The following LRFN5 variants were observed in gnomAD, a reference collection of about 807,000 sequenced individuals.
LRFN5 encodes leucine rich repeat and fibronectin type III domain containing 5.
A neutral mutation model predicts 45.6 loss-of-function variants in LRFN5; 24 were observed. The observed-to-expected ratio is 0.53, with a 90% CI of 0.38 to 0.74. The LOEUF (loss-of-function observed/expected upper bound fraction) is 0.74, where lower values mean the gene tolerates loss of function less well. LRFN5 is among the 30% of genes least tolerant of loss of function. The probability of loss-of-function intolerance (pLI) is 0.00; values close to 1 mark genes in which losing one functional copy is unlikely to be tolerated. For missense variants in LRFN5, 776 were observed against 861.5 expected (o/e 0.90, Z 1.24); for synonymous variants, 340 against 313.8 (o/e 1.08, Z -0.88).
At position 41,610,661 on chromosome 14, in the gene LRFN5, T is replaced by TAAAAAAAAAAAAAAAAAAAAAAAAAAAA. The variant is rs199770856; in HGVS notation, c.-197+2121_-197+2122insAAAAAAAAAAAAAAAAAAAAAAAAAAAA. Among the ~76,000 whole-genome samples the TAAAAAAAAAAAAAAAAAAAAAAAAAAAA allele has an allele frequency of 1.4e-3, 53 of 37,334 alleles. 10 individuals are homozygous for TAAAAAAAAAAAAAAAAAAAAAAAAAAAA. The highest frequency in any genetic ancestry group is 2.2e-3 in the Non-Finnish European group (33 of 14,730). The allele number at this position is 37,334 out of a possible 152,430, so 24.5% of individuals were successfully genotyped here. On this transcript the variant is annotated intron_variant, in intron 1 of 5. Transcript: ENST00000298119. Reference sequence around the variant, plus strand: ...TACCCCTCTGAGGTCCCAGGGAAGGTAAAAAAAAAAAAAAAAAAAAAAGTG... The same window carrying TAAAAAAAAAAAAAAAAAAAAAAAAAAAA: ...TACCCCTCTGAGGTCCCAGGGAAGGTAAAAAAAAAAAAAAAAAAAAAAAAAAAAAAAAAAAAAAAAAAAAAAAAAAGTG...
intron 1 of LRFN5, among the ~76,000 whole-genome samples, chr14:41,669,082 A>G (rs751609702): frequency 6.6e-6 from 1 of 152,128 alleles, no homozygotes; most frequent in Non-Finnish European, 1.5e-5. Flanking sequence ...ACTAATTTGT[A>G]TATGGTGTTG....
At chr14:41,867,462 C>T (rs1196355278) in intron 2 of LRFN5, among the ~76,000 whole-genome samples, 1 of 152,038 alleles carries the variant, frequency 6.6e-6, no homozygotes, top group Non-Finnish European at 1.5e-5. Context: ...TTATGTTTTA[C>T]ATAAAGCAAA....
chr14:41,715,435 C>T (rs1883453304), intron 1 of LRFN5, among the ~76,000 whole-genome samples: 2 of 152,138 alleles, frequency 1.3e-5, no homozygotes. Context: ...CCAACTCTGC[C>T]TCTCTGTTCT....
At chr14:41,675,148 G>T (rs371804919) in intron 1 of LRFN5, among the ~76,000 whole-genome samples, 9 of 150,882 alleles carry the variant, frequency 6.0e-5, no homozygotes, top group Non-Finnish European at 1.0e-4. Context: ...GGCTCCTCAC[G>T]TCCCAGACGA....
Position 41,610,661 on chromosome 14 carries a change from T to TAAAAAA in LRFN5, c.-197+2116_-197+2121dup, listed in dbSNP as rs199770856. Among the ~76,000 whole-genome samples the TAAAAAA allele has an allele frequency of 8.0e-3, 300 of 37,296 alleles. 31 individuals are homozygous for TAAAAAA. Among genetic ancestry groups the TAAAAAA allele is most frequent in the Admixed American group, 0.038 (137 of 3,598 alleles). The allele number at this position is 37,296 out of a possible 152,430, so 24.5% of individuals were successfully genotyped here. On this transcript the variant is annotated intron_variant, in intron 1 of 5. Transcript: ENST00000298119. ...TACCCCTCTGAGGTCCCAGGGAAGG[T>TAAAAAA]AAAAAAAAAAAAAAAAAAAAAAGTG... is the stretch of plus-strand genomic sequence containing the variant.
At chr14:41,754,966 C>A in intron 1 of LRFN5, among the ~76,000 whole-genome samples, 1 of 151,990 alleles carries the variant, frequency 6.6e-6, no homozygotes, top group Non-Finnish European at 1.5e-5. Context: ...TATGTTGTGT[C>A]TTTGTTCTCG....
Position 41,646,103 on chromosome 14 carries a change from A to G in LRFN5, c.-197+37541A>G, listed in dbSNP as rs187665947. Among the ~76,000 whole-genome samples, 221 of 152,142 alleles carry G rather than the reference A, an allele frequency of 1.5e-3. 2 individuals carry two copies. The highest frequency in any genetic ancestry group is 3.2e-4 in the Non-Finnish European group (22 of 67,990). On this transcript the variant is annotated intron_variant, in intron 1 of 5. Coordinates refer to ENST00000298119, the MANE Select transcript of LRFN5 (RefSeq NM_152447.5). ...TAGCATATCCGTCATCTCAAATATC[A>G]TTTCTTTGTGTTGGGGACATTCAAC...
intron 2 of LRFN5, among the ~76,000 whole-genome samples, chr14:41,783,135 C>T (rs61988379): frequency 6.6e-6 from 1 of 151,778 alleles, no homozygotes; most frequent in Non-Finnish European, 1.5e-5. Context: ...AGAATGGTTA[C>T]TTTTCCCCTT....
At chr14:41,696,976 A>G (rs2138717020) in intron 1 of LRFN5, among the ~76,000 whole-genome samples, 1 of 152,096 alleles carries the variant, frequency 6.6e-6, no homozygotes, top group South Asian at 2.1e-4. Context: ...ATATTATTGG[A>G]TTCAACATAT....
At chr14:41,662,726 A>C (rs1366482334) in intron 1 of LRFN5, among the ~76,000 whole-genome samples, 4 of 152,060 alleles carry the variant, frequency 2.6e-5, no homozygotes, top group Admixed American at 2.6e-4. Context: ...GCTGTTTATC[A>C]TCACATCAGT....
chr14:41,614,936 G>A (rs977055029), intron 1 of LRFN5, among the ~76,000 whole-genome samples: 4 of 151,894 alleles, frequency 2.6e-5, no homozygotes, highest in Admixed American at 2.0e-4. Context: ...CCAGACCAGG[G>A]GTCATAATAT....
intron 1 of LRFN5, among the ~76,000 whole-genome samples, chr14:41,664,035 T>C (rs1566609619): frequency 6.6e-6 from 1 of 151,918 alleles, no homozygotes; most frequent in Non-Finnish European, 1.5e-5. Flanking sequence ...CTTAATAGTC[T>C]CAAGTGTTAT....
chr14:41,879,997 G>A (rs7144720), intron 2 of LRFN5, among the ~76,000 whole-genome samples: 90,603 of 144,496 alleles, frequency 0.63, 28,572 homozygotes, highest in Middle Eastern at 0.78. Context: ...ATCTAATGTC[G>A]GCTCACTGCA....
chr14:41,693,955 T>G (rs1271844762), intron 1 of LRFN5, among the ~76,000 whole-genome samples: 1 of 152,038 alleles, frequency 6.6e-6, no homozygotes, highest in African/African-American at 2.4e-5. Context: ...TAAATAGTAG[T>G]TGCTGAGAGA....
intron 2 of LRFN5, among the ~76,000 whole-genome samples, chr14:41,809,524 T>C (rs555163228): frequency 5.3e-4 from 81 of 151,954 alleles, no homozygotes; most frequent in African/African-American, 1.8e-3. Flanking sequence ...TATAAAACTC[T>C]TCAAAATTTT....
At chr14:41,613,887 C>G (rs1010057637) in intron 1 of LRFN5, among the ~76,000 whole-genome samples, 2 of 151,992 alleles carry the variant, frequency 1.3e-5, no homozygotes, top group African/African-American at 4.8e-5. Context: ...GAAGGACAAA[C>G]TTCAATTTAC....
At chr14:41,618,134 A>C (rs1289088848) in intron 1 of LRFN5, among the ~76,000 whole-genome samples, 2 of 152,220 alleles carry the variant, frequency 1.3e-5, no homozygotes, top group Admixed American at 6.5e-5. Flanking sequence ...GATAATGGGC[A>C]GTCAAAATCT....
At chr14:41,844,077 C>T (rs539813818) in intron 2 of LRFN5, among the ~76,000 whole-genome samples, 2 of 152,166 alleles carry the variant, frequency 1.3e-5, no homozygotes, top group South Asian at 4.1e-4. Flanking sequence ...TTTGGTTATG[C>T]TAATTATTAG....
chr14:41,639,347 A>G (rs962126400), intron 1 of LRFN5, among the ~76,000 whole-genome samples: 1 of 151,994 alleles, frequency 6.6e-6, no homozygotes. Context: ...TTCCCCTACA[A>G]TGTTATTGAT....
Sources: allele counts gnomAD v4.1 joint callset (sites outside exome capture counted in the v4.1 genomes callset), GRCh38; gene constraint gnomAD v4.1.1; transcripts MANE v1.5; gene names NCBI Gene and HGNC (gene_info 2026-07-23, HGNC 2026-07-21).